The following PRLR variants were observed in gnomAD, a reference collection of about 807,000 sequenced individuals.
PRLR encodes the protein hPRL receptor.
PRLR carries 13 observed loss-of-function variants against 40.2 expected under a neutral mutation model. That is an observed-to-expected ratio of 0.32 (90% CI 0.21 to 0.51). The LOEUF (loss-of-function observed/expected upper bound fraction) is 0.51, where lower values mean the gene tolerates loss of function less well. PRLR is among the 20% of genes least tolerant of loss of function. PRLR has a pLI of 0.97. For synonymous variants in PRLR, 269 were observed against 278.7 expected, an observed-to-expected ratio of 0.97 and a Z score of 0.35; for missense variants, 656 against 747.3, an observed-to-expected ratio of 0.88 and a Z score of 1.42.
chr5:35,229,539 T>A (rs1043904742), intron 1 of PRLR, among the ~76,000 whole-genome samples: 7 of 152,128 alleles, frequency 4.6e-5, no homozygotes, highest in African/African-American at 1.7e-4. Context: ...TGAGTTTGCC[T>A]GACTTTAACC....
At chr5:35,097,950 T>A (rs1771633861) in intron 2 of PRLR, among the ~76,000 whole-genome samples, 1 of 151,968 alleles carries the variant, frequency 6.6e-6, no homozygotes, top group Non-Finnish European at 1.5e-5. Context: ...GGAGGCAGAG[T>A]GGCTTCCTCT....
chr5:35,158,307 T>C (rs1425532431), intron 1 of PRLR, among the ~76,000 whole-genome samples: 1 of 152,162 alleles, frequency 6.6e-6, no homozygotes, highest in Non-Finnish European at 1.5e-5. Context: ...GCTTGTGTTA[T>C]TTCCACTTAC....
At chr5:35,048,817 C>T in exon 9 of PRLR, 1 of 251,668 alleles carries the variant, frequency 4.0e-6, no homozygotes, top group Non-Finnish European at 8.1e-6. Flanking sequence ...CTAGGTTTCC[C>T]ACTGCTTCAG....
At chr5:35,101,963 G>A (rs976501976) in intron 2 of PRLR, among the ~76,000 whole-genome samples, 3 of 151,808 alleles carry the variant, frequency 2.0e-5, no homozygotes, top group African/African-American at 7.3e-5. Context: ...GAGTAGCTGG[G>A]ATTACAGGTG....
At chr5:35,205,367 G>A (rs968496279) in intron 1 of PRLR, among the ~76,000 whole-genome samples, 92 of 152,180 alleles carry the variant, frequency 6.0e-4, no homozygotes, top group Middle Eastern at 3.4e-3. Flanking sequence ...CATTACCCAT[G>A]TCACTGTAAA....
At chr5:35,128,413 G>C (rs1773541106) in intron 1 of PRLR, among the ~76,000 whole-genome samples, 1 of 151,314 alleles carries the variant, frequency 6.6e-6, no homozygotes, top group Non-Finnish European at 1.5e-5. Flanking sequence ...ATCATCTCTA[G>C]GTTACTTATA....
chr5:35,221,649 C>T (rs541145876), intron 1 of PRLR, among the ~76,000 whole-genome samples: 22 of 152,278 alleles, frequency 1.4e-4, no homozygotes, highest in African/African-American at 4.6e-4. Context: ...TAAATAAATA[C>T]GAATGTCCAG....
At chr5:35,083,085 ACACAC>A (rs1433977166) in intron 5 of PRLR, among the ~76,000 whole-genome samples, 74 of 151,810 alleles carry the variant, frequency 4.9e-4, no homozygotes, top group African/African-American at 1.7e-3. Flanking sequence ...ACACACACAC[ACACAC>A]ACACACACAC....
At position 35,062,702 on chromosome 5, in the gene PRLR, A is replaced by C. The variant is rs1456929387; in HGVS notation, c.*2387T>G. 6.6e-6 allele frequency: 1 copy of C among 152,212 alleles called. No individual in the cohort carries two copies. The highest frequency in any genetic ancestry group is 2.4e-5 in the African/African-American group (1 of 41,452). The allele number at this position is 152,212 out of a possible 1,614,324, so 9.4% of individuals were successfully genotyped here. Reference sequence around the variant, plus strand: ...GAATAGACTATGTTAGGAAAGATTTAGTCTGCATTGGCTTTGAGGGTGACT... The same window carrying C: ...GAATAGACTATGTTAGGAAAGATTTCGTCTGCATTGGCTTTGAGGGTGACT... On this transcript the variant is annotated 3_prime_UTR_variant, in exon 10 of 10. Transcript: ENST00000618457.
Position 35,064,749 on chromosome 5 carries a change from A to G in PRLR, c.*340T>C, listed in dbSNP as rs1469078612. The G allele has an allele frequency of 5.3e-6, 1 of 189,528 alleles. No homozygotes were observed. Among genetic ancestry groups the G allele is most frequent in the East Asian group, 1.3e-4 (1 of 7,488 alleles). 11.7% of individuals were successfully genotyped at this position (189,528 alleles called of 1,614,324 possible). On this transcript the variant is annotated 3_prime_UTR_variant, in exon 10 of 10. Transcript: ENST00000618457. ...TATGGTAAACAATTTTGACAATTTCATTTCCGTCTGTCCCATGCCAAATCA... is the reference window on the plus strand; with the variant it reads ...TATGGTAAACAATTTTGACAATTTCGTTTCCGTCTGTCCCATGCCAAATCA...
At chr5:35,050,375 A>G (rs895017641) in intron 8 of PRLR, among the ~76,000 whole-genome samples, 2 of 152,112 alleles carry the variant, frequency 1.3e-5, no homozygotes, top group East Asian at 3.9e-4. Flanking sequence ...CACAGATAAA[A>G]CTCCAATTAA....
At position 35,228,678 on chromosome 5, in the gene PRLR, G is replaced by C. The variant is rs1037405637; in HGVS notation, c.-106+1590C>G. ...CTTAGGAGAGTCATTAAAAAGGGTT[G>C]TGAGGAGGGGTCCCCTGGAGTCAGA... On this transcript the variant is annotated intron_variant, in intron 1 of 9. Transcript: ENST00000618457. 8.1e-4 allele frequency among the ~76,000 whole-genome samples: 123 copies of C among 152,218 alleles called. 1 individual carries two copies. Among genetic ancestry groups the C allele is most frequent in the Admixed American group, 8.0e-3 (123 of 15,288 alleles).
At chr5:35,142,923 C>T (rs1037950764) in intron 1 of PRLR, among the ~76,000 whole-genome samples, 2 of 152,178 alleles carry the variant, frequency 1.3e-5, no homozygotes, top group African/African-American at 4.8e-5. Context: ...TAGCACCTAC[C>T]ACATAGGACT....
intron 9 of PRLR, among the ~76,000 whole-genome samples, 171 bp from the exon 10 acceptor site, chr5:35,066,273 T>TA (rs1351292456): frequency 9.6e-5 from 14 of 146,114 alleles, no homozygotes; most frequent in Non-Finnish European, 1.7e-4. Flanking sequence ...ATTCAGCAGA[T>TA]TTTTTTTTTT....
intron 2 of PRLR, among the ~76,000 whole-genome samples, chr5:35,106,868 A>T (rs142388410): frequency 6.6e-6 from 1 of 152,340 alleles, no homozygotes; most frequent in East Asian, 1.9e-4. Flanking sequence ...GCTCTGCACC[A>T]AGTGGACCTA....
intron 1 of PRLR, among the ~76,000 whole-genome samples, chr5:35,228,533 C>T (rs1272798686): frequency 1.3e-5 from 2 of 152,216 alleles, no homozygotes; most frequent in African/African-American, 4.8e-5. Flanking sequence ...CAAACAAAGC[C>T]TTGGCCTCCC....
At chr5:35,093,068 C>G (rs1771313417) in intron 2 of PRLR, among the ~76,000 whole-genome samples, 1 of 152,158 alleles carries the variant, frequency 6.6e-6, no homozygotes, top group African/African-American at 2.4e-5. Context: ...CCAAAAGCCT[C>G]TCTTCATTCT....
intron 1 of PRLR, among the ~76,000 whole-genome samples, chr5:35,124,516 C>T (rs1579701143): frequency 6.6e-6 from 1 of 152,166 alleles, no homozygotes; most frequent in Non-Finnish European, 1.5e-5. Flanking sequence ...TAGTCTATAA[C>T]CCCTAGTCCA....
intron 5 of PRLR, among the ~76,000 whole-genome samples, chr5:35,082,561 C>A (rs1028958073): frequency 6.6e-6 from 1 of 152,204 alleles, no homozygotes; most frequent in African/African-American, 2.4e-5. Flanking sequence ...TCAAAAATGT[C>A]TCCAGTCATT....
Sources: gnomAD v4.1 joint callset for allele counts (sites outside exome capture counted in the v4.1 genomes callset) on GRCh38, gnomAD v4.1.1 for gene constraint, MANE v1.5 for transcripts, NCBI Gene and HGNC (gene_info 2026-07-23, HGNC 2026-07-21) for gene names.